DYDC1: variants seen among roughly 807,000 people sequenced by gnomAD.
DYDC1 encodes the protein DPY30 domain-containing protein 1.
In DYDC1, 21 loss-of-function variants were observed where a neutral mutation model predicts 27.9. That is an observed-to-expected ratio of 0.75 (90% CI 0.53 to 1.08). The LOEUF (loss-of-function observed/expected upper bound fraction) is 1.08, where lower values mean the gene tolerates loss of function less well. Ranked by LOEUF, DYDC1 falls within the 50% of genes least tolerant of loss-of-function variation. The pLI, the probability that DYDC1 is intolerant of heterozygous loss-of-function variation, is 0.00. For synonymous variants in DYDC1, 67 were observed against 65.8 expected, an observed-to-expected ratio of 1.02 and a Z score of -0.09; for missense variants, 202 against 205.9, an observed-to-expected ratio of 0.98 and a Z score of 0.12.
At chr10:80,341,862 CA>C (rs1842331293) in intron 4 of DYDC1, among the ~76,000 whole-genome samples, 1 of 151,606 alleles carries the variant, frequency 6.6e-6, no homozygotes, top group Admixed American at 6.6e-5. Context: ...CTGTCTCTAC[CA>C]AAAATACAAA....
rs1404081327 is a variant in DYDC1, at chr10:80,336,152, G to A, written c.*4C>T. ...AACATTTATTGCTCTTAGGTTGGTT[G>A]GTCCTACAAATCTTGATCAATGTTT... On this transcript the variant is annotated 3_prime_UTR_variant, in exon 7 of 7. Transcript: ENST00000372202. The A allele has an allele frequency of 6.7e-7, 1 of 1,484,608 alleles. No homozygotes were observed. Among genetic ancestry groups the A allele is most frequent in the Admixed American group, 1.9e-5 (1 of 52,604 alleles). The allele number at this position is 1,484,608 out of a possible 1,614,324, so 92.0% of individuals were successfully genotyped here.
chr10:80,340,855 C>T (rs901432425), intron 4 of DYDC1, among the ~76,000 whole-genome samples: 1 of 152,184 alleles, frequency 6.6e-6, no homozygotes. Context: ...AAAGGGGCTG[C>T]TTGTGTATGT....
chr10:80,340,611 C>T (rs1453605484), intron 4 of DYDC1, among the ~76,000 whole-genome samples: 1 of 152,090 alleles, frequency 6.6e-6, no homozygotes, highest in Non-Finnish European at 1.5e-5. Context: ...ACTTTAAATT[C>T]CTTTATTTTG....
intron 3 of DYDC1, among the ~76,000 whole-genome samples, chr10:80,343,243 T>A (rs1330712896): frequency 2.0e-5 from 3 of 152,212 alleles, no homozygotes; most frequent in Non-Finnish European, 4.4e-5. Flanking sequence ...AATTTCAGCA[T>A]CCTTAAAGCT....
intron 3 of DYDC1, among the ~76,000 whole-genome samples, chr10:80,343,736 C>A (rs1221371030): frequency 1.3e-5 from 2 of 152,108 alleles, no homozygotes; most frequent in Non-Finnish European, 2.9e-5. Flanking sequence ...TATACAGTGC[C>A]ACTGTACCAA....
intron 6 of DYDC1, among the ~76,000 whole-genome samples, chr10:80,336,554 T>C (rs958498996): frequency 1.3e-5 from 2 of 152,226 alleles, no homozygotes; most frequent in African/African-American, 2.4e-5. Flanking sequence ...TCAGCACATA[T>C]GCCCATGACT....
chr10:80,353,869 G>A, intron 1 of DYDC1, among the ~76,000 whole-genome samples: 1 of 152,130 alleles, frequency 6.6e-6, no homozygotes, highest in Non-Finnish European at 1.5e-5. Context: ...GGACTTGAGA[G>A]TCCTTCAGGA....
intron 3 of DYDC1, among the ~76,000 whole-genome samples, chr10:80,344,388 C>T (rs1470643874): frequency 6.6e-6 from 1 of 152,170 alleles, no homozygotes; most frequent in Non-Finnish European, 1.5e-5. Context: ...CATCAGTAGT[C>T]AACTAATAAC....
At chr10:80,344,765 T>C in intron 3 of DYDC1, 1 of 327,432 alleles carries the variant, frequency 3.1e-6, no homozygotes, top group Non-Finnish European at 5.9e-6. Context: ...ATGTAAGAAG[T>C]GCCTTTCGCC....
In DYDC1 at chr10:80,337,205, C is replaced by T. The variant is rs1042664293; in HGVS notation, c.505-1020G>A. ...CCTCCTGAGGAAGACTTGTCCAGCC[C>T]AGGTCAGGTCTCTCCCTACTCTGTC... On this transcript the variant is annotated intron_variant, in intron 6 of 6. Transcript: ENST00000372202. The T allele has an allele frequency of 3.0e-6, 3 of 985,344 alleles. No homozygotes were observed. The African/African-American group carries it at 5.2e-5, about 17-fold the overall frequency. The allele number at this position is 985,344 out of a possible 1,614,324, so 61.0% of individuals were successfully genotyped here.
chr10:80,353,404 C>T (rs935931523), intron 1 of DYDC1, among the ~76,000 whole-genome samples: 9 of 150,178 alleles, frequency 6.0e-5, no homozygotes, highest in African/African-American at 1.2e-4. Context: ...CCTCGTGATC[C>T]GCCCACCTCG....
chr10:80,348,261 T>C (rs1396893805), intron 3 of DYDC1, among the ~76,000 whole-genome samples: 1 of 152,236 alleles, frequency 6.6e-6, no homozygotes, highest in Non-Finnish European at 1.5e-5. Context: ...GAGTAAGTTA[T>C]TGGTAAACAG....
chr10:80,343,537 C>T (rs144192578), intron 3 of DYDC1, among the ~76,000 whole-genome samples: 2 of 151,712 alleles, frequency 1.3e-5, no homozygotes, highest in South Asian at 2.1e-4. Context: ...TACTCAGGAG[C>T]GAGGCAGGAG....
intron 3 of DYDC1, among the ~76,000 whole-genome samples, chr10:80,343,497 G>A (rs1033402088): frequency 2.0e-5 from 3 of 152,100 alleles, no homozygotes; most frequent in African/African-American, 7.2e-5. Context: ...AGAAAGCCAG[G>A]GATGGGTGGC....
At chr10:80,338,106 T>C in intron 6 of DYDC1, 5 of 985,410 alleles carry the variant, frequency 5.1e-6, no homozygotes, top group Non-Finnish European at 4.8e-6. Context: ...TGGAGAAGCA[T>C]GCATTCTCAT....
chr10:80,353,702 T>C (rs1352799569), intron 1 of DYDC1, among the ~76,000 whole-genome samples: 1 of 151,740 alleles, frequency 6.6e-6, no homozygotes, highest in African/African-American at 2.4e-5. Context: ...GATCCTGAAC[T>C]GTGCACTTAC....
chr10:80,341,084 C>A (rs900265779), intron 4 of DYDC1, among the ~76,000 whole-genome samples: 9 of 152,066 alleles, frequency 5.9e-5, no homozygotes, highest in African/African-American at 2.2e-4. Flanking sequence ...AAACCTGCTT[C>A]TTTTTTCAGC....
chr10:80,346,113 A>G (rs1484935179), intron 3 of DYDC1, among the ~76,000 whole-genome samples: 1 of 152,126 alleles, frequency 6.6e-6, no homozygotes. Flanking sequence ...CTCCCAAAGT[A>G]CTGGGATTAC....
At chr10:80,338,352 G>A in intron 6 of DYDC1, 115 bp downstream of exon 6, 1 of 1,420,044 alleles carries the variant, frequency 7.0e-7, no homozygotes, top group South Asian at 1.6e-5. Flanking sequence ...GAAGCAAAAG[G>A]CCTATTTGCC....
Sources: allele counts gnomAD v4.1 joint callset (sites outside exome capture counted in the v4.1 genomes callset), GRCh38; gene constraint gnomAD v4.1.1; transcripts MANE v1.5; gene names NCBI Gene and HGNC (gene_info 2026-07-23, HGNC 2026-07-21).